Variants in RSRC2 observed in about 807,000 individuals in gnomAD.
The protein encoded by RSRC2 is arginine/serine-rich coiled-coil protein 2.
Under a neutral mutation model 61.3 loss-of-function variants are expected in RSRC2, and 5 were observed. The ratio of observed to expected loss-of-function variants is 0.08; its 90% CI spans 0.04 to 0.17. RSRC2 has a LOEUF of 0.17. RSRC2 is among the 10% of genes least tolerant of loss of function. The pLI, the probability that RSRC2 is intolerant of heterozygous loss-of-function variation, is 1.00. For synonymous variants in RSRC2, 202 were observed against 166.5 expected (o/e 1.21, Z -1.64); for missense variants, 381 against 518.8 (o/e 0.73, Z 2.58).
intron 6 of RSRC2, among the ~76,000 whole-genome samples, chr12:122,513,366 G>C (rs554885059): frequency 6.6e-6 from 1 of 151,174 alleles, no homozygotes; most frequent in Non-Finnish European, 1.5e-5. Flanking sequence ...TCTATACATG[G>C]TAGTTTCTTA....
chr12:122,523,941 G>A (rs1268126957), intron 1 of RSRC2, among the ~76,000 whole-genome samples: 1 of 152,156 alleles, frequency 6.6e-6, no homozygotes, highest in African/African-American at 2.4e-5. Context: ...TAAATTACGT[G>A]TTATTCCTCT....
chr12:122,518,983 G>C lies in RSRC2; in HGVS notation c.254C>G (p.Ser85Cys), dbSNP rs1959127190. 4.3e-6 allele frequency: 7 copies of C among 1,613,476 alleles called. No homozygotes were observed. The highest frequency in any genetic ancestry group is 1.7e-4 in the Middle Eastern group (1 of 6,050). Residue 85 changes from serine to cysteine, a missense_variant, in exon 4 of 10, where the codon TCT (serine) becomes TGT (cysteine). Around this residue, in one of 4 missense-constraint regions of RSRC2, gnomAD observed 266 missense variants for 270.5 expected, o/e 0.98. Transcript: ENST00000331738. ...ATGTTCTTTGTCATTATGTTCCTCA[G>C]ACTTATGTTTCTTAGAGGATTTATC... Reference protein sequence around the residue: ...SKDKSSKKHKSEEHNDKEHSS... With the variant: ...SKDKSSKKHKCEEHNDKEHSS...
At position 122,503,512 on chromosome 12, in the gene RSRC2, G is replaced by GT. The variant is rs1957988130; in HGVS notation, c.*2014dup. ...GCTCTAGATGAGCAAAGTACAGGCT[G>GT]TATCACTCATCATGTATGGTCAGCT... On this transcript the variant is annotated 3_prime_UTR_variant, in exon 10 of 10. Coordinates refer to ENST00000331738, the MANE Select transcript of RSRC2 (RefSeq NM_023012.6). The GT allele has an allele frequency of 6.6e-6, 1 of 152,210 alleles. No individual in the cohort carries two copies. The highest frequency in any genetic ancestry group is 2.1e-4 in the South Asian group (1 of 4,830). 9.4% of individuals were successfully genotyped at this position (152,210 alleles called of 1,614,324 possible). A position where few individuals can be genotyped will look rare whatever the true frequency, so the allele number is the denominator to read the frequency against.
intron 4 of RSRC2, 35 bp downstream of exon 4, chr12:122,518,804 T>G: frequency 6.6e-7 from 1 of 1,516,518 alleles, no homozygotes. Flanking sequence ...TGTAACTTGT[T>G]AGAAGGTACT....
intron 1 of RSRC2, 138 bp from the exon 2 acceptor site, chr12:122,522,437 T>C: frequency 1.2e-6 from 1 of 815,592 alleles, no homozygotes. Context: ...AGTAACTAAA[T>C]GTGCTTTGTA....
chr12:122,514,546 G>A (rs1389178538), intron 6 of RSRC2: 19 of 963,984 alleles, frequency 2.0e-5, no homozygotes, highest in Non-Finnish European at 2.2e-5. Context: ...GATTACAGGT[G>A]TGACCGATTG....
At chr12:122,520,755 C>T in intron 3 of RSRC2, 2 of 364,066 alleles carry the variant, frequency 5.5e-6, no homozygotes, top group Non-Finnish European at 1.1e-5. Flanking sequence ...ACTCTTCTCC[C>T]TTTCTGGCTA....
At chr12:122,513,837 G>A (rs1958708254) in intron 6 of RSRC2, 1 of 985,044 alleles carries the variant, frequency 1.0e-6, no homozygotes, top group Non-Finnish European at 1.2e-6. Context: ...GTTACACTGT[G>A]TTACCAGCCT....
intron 6 of RSRC2, chr12:122,513,759 G>A: frequency 1.0e-6 from 1 of 984,824 alleles, no homozygotes; most frequent in African/African-American, 1.7e-5. Flanking sequence ...AAGAAGGGGT[G>A]AGCTCACACT....
intron 7 of RSRC2, among the ~76,000 whole-genome samples, chr12:122,509,673 G>GT (rs1214890341): frequency 6.6e-6 from 1 of 152,030 alleles, no homozygotes; most frequent in African/African-American, 2.4e-5. Flanking sequence ...ACCAAAGAGA[G>GT]TAATGATGTA....
chr12:122,514,375 G>A lies in RSRC2; in HGVS notation c.725+730C>T, dbSNP rs574443891. Among the ~76,000 whole-genome samples, 23 of 149,896 alleles carry A rather than the reference G, an allele frequency of 1.5e-4. No individual in the cohort carries two copies. In the South Asian group the frequency reaches 3.4e-3, roughly 22 times the overall value. ...TGCCTCATGGGTTCAAGCGATTCTC[G>A]TGCCTCAGCCTCCAGAGTAGCTGGG... On this transcript the variant is annotated intron_variant, in intron 6 of 9. Coordinates refer to ENST00000331738, the MANE Select transcript of RSRC2 (RefSeq NM_023012.6).
chr12:122,508,233 C>T lies in RSRC2; in HGVS notation c.1020G>A (p.Gln340=). 6.2e-7 allele frequency: 1 copy of T among 1,614,014 alleles called. No individual in the cohort carries two copies. The highest frequency in any genetic ancestry group is 8.5e-7 in the Non-Finnish European group (1 of 1,179,854). Residue 340 remains glutamine (Q), a synonymous_variant, in exon 8 of 10, where the codon CAG becomes CAA. Coordinates refer to ENST00000331738, the MANE Select transcript of RSRC2 (RefSeq NM_023012.6). The part of the protein sequence containing the change: ...EQEKKRKMLW[Q]GKKEGDKSQS... ...GAGAACTTACCCCTTCTTTCTTGCCCTGCCAAAGCATTTTCCTTTTTTTCT... is the reference window on the plus strand; with the variant it reads ...GAGAACTTACCCCTTCTTTCTTGCCTTGCCAAAGCATTTTCCTTTTTTTCT...
chr12:122,516,445 G>A (rs1030685884), intron 5 of RSRC2, among the ~76,000 whole-genome samples: 2 of 152,128 alleles, frequency 1.3e-5, no homozygotes, highest in Non-Finnish European at 2.9e-5. Flanking sequence ...CATGGAATTT[G>A]CATTTAGATA....
At position 122,522,247 on chromosome 12, in the gene RSRC2, C is replaced by T. The variant is rs1959320001; in HGVS notation, c.59G>A (p.Arg20Lys). The T allele has an allele frequency of 6.2e-7, 1 of 1,613,898 alleles. No homozygotes were observed. Among genetic ancestry groups the T allele is most frequent in the Non-Finnish European group, 8.5e-7 (1 of 1,179,912 alleles). Reference sequence around the variant, plus strand: ...TTCTGACTGCTCTTTTTTCTTATCTCTATCTGGTGATGTCTTTTCTGGGGC... The same window carrying T: ...TTCTGACTGCTCTTTTTTCTTATCTTTATCTGGTGATGTCTTTTCTGGGGC... ...GLAPEKTSPD[R>K]DKKKEQSEVS... The change falls in exon 2 of 10, where the codon AGA (arginine) becomes AAA (lysine). Residue 20 changes from arginine to lysine, a missense_variant. By Grantham distance (26) the Arg-to-Lys change is conservative (BLOSUM62 2). Transcript: ENST00000331738.
intron 3 of RSRC2, chr12:122,520,925 A>ATAC (rs1959190336): frequency 4.2e-6 from 1 of 235,998 alleles, no homozygotes; most frequent in African/African-American, 2.3e-5. Flanking sequence ...TCAAAATTCA[A>ATAC]TACTACTATT....
At chr12:122,526,375 G>C (rs1960402519) in intron 1 of RSRC2, 1 of 161,014 alleles carries the variant, frequency 6.2e-6, no homozygotes, top group Admixed American at 6.4e-5. Context: ...CTCATTGAGC[G>C]TACAAAAAAA....
chr12:122,513,254 T>A (rs574159769), intron 6 of RSRC2, among the ~76,000 whole-genome samples: 77 of 138,090 alleles, frequency 5.6e-4, no homozygotes, highest in East Asian at 2.1e-3. Context: ...TAAAATAAAA[T>A]AAAAATAAAA....
At chr12:122,523,426 GA>G (rs1409103792) in intron 1 of RSRC2, 1 of 152,246 alleles carries the variant, frequency 6.6e-6, no homozygotes, top group Non-Finnish European at 1.5e-5. Context: ...TGAGACAGGA[GA>G]ATGGCTTGAA....
intron 6 of RSRC2, among the ~76,000 whole-genome samples, chr12:122,514,198 G>T (rs920755807): frequency 8.6e-5 from 13 of 151,330 alleles, no homozygotes; most frequent in South Asian, 2.1e-4. Flanking sequence ...ATATAGTCGT[G>T]CTGTGTGTGG....
Sources: allele counts gnomAD v4.1 joint callset (sites outside exome capture counted in the v4.1 genomes callset), GRCh38; gene constraint gnomAD v4.1.1; regional missense constraint gnomAD v4.1.1; transcripts MANE v1.5; gene names NCBI Gene and HGNC (gene_info 2026-07-23, HGNC 2026-07-21).